Variants in DHRS3 observed in about 807,000 individuals in gnomAD.
The protein encoded by DHRS3 is dehydrogenase/reductase 3.
Under a neutral mutation model 27.2 loss-of-function variants are expected in DHRS3, and 14 were observed. That is an observed-to-expected ratio of 0.52 (90% CI 0.34 to 0.81). The LOEUF (loss-of-function observed/expected upper bound fraction) is 0.81, where lower values mean the gene tolerates loss of function less well. Among genes scored for constraint, DHRS3 ranks in the 30% least tolerant of loss-of-function variants. The pLI, the probability that DHRS3 is intolerant of heterozygous loss-of-function variation, is 0.01. For missense variants in DHRS3, 322 were observed against 406.2 expected (o/e 0.79, Z 1.78); for synonymous variants, 165 against 175.9 (o/e 0.94, Z 0.49).
rs1418599080 is a variant in DHRS3 at position 12,580,678 on chromosome 1, T to G, written c.196-12A>C. 6.2e-7 allele frequency: 1 copy of G among 1,609,782 alleles called. No individual in the cohort carries two copies. Among genetic ancestry groups the G allele is most frequent in the Non-Finnish European group, 8.5e-7 (1 of 1,177,274 alleles). ...CCCCAGAGAACAATCTGGAAGAAGATAATAACAACGCAGAACAAATGGTCA... is the reference window on the plus strand; with the variant it reads ...CCCCAGAGAACAATCTGGAAGAAGAGAATAACAACGCAGAACAAATGGTCA... On this transcript the variant is annotated splice_polypyrimidine_tract_variant and intron_variant, in intron 1 of 5. Transcript: ENST00000616661.
Position 12,593,242 on chromosome 1 carries a change from G to T in DHRS3, c.196-12576C>A, listed in dbSNP as rs549628042. The stretch of plus-strand genomic sequence containing the variant: ...CCCTCGTCTCAGCTACTCCCTCCTA[G>T]GTCTCGGCCCTGCAGAAGCACTGGC... On this transcript the variant is annotated intron_variant, in intron 1 of 5. Coordinates refer to ENST00000616661, the MANE Select transcript of DHRS3 (RefSeq NM_004753.7). The surrounding 1 kb of genome is among the most constrained non-coding windows in gnomAD (Gnocchi z 4.6). Among the ~76,000 whole-genome samples the T allele has an allele frequency of 1.3e-5, 2 of 152,240 alleles. No homozygotes were observed. The highest frequency in any genetic ancestry group is 1.5e-5 in the Non-Finnish European group (1 of 68,008).
intron 1 of DHRS3, among the ~76,000 whole-genome samples, chr1:12,596,999 C>T (rs1201823790): frequency 6.6e-6 from 1 of 152,074 alleles, no homozygotes; most frequent in East Asian, 1.9e-4. Context: ...CAAGGAGACC[C>T]CCATTGACTC....
chr1:12,588,289 C>T (rs748772099), intron 1 of DHRS3, among the ~76,000 whole-genome samples: 3 of 152,210 alleles, frequency 2.0e-5, no homozygotes, highest in Non-Finnish European at 4.4e-5. Context: ...ATCTGTTGAG[C>T]AGTTGCCATG....
intron 5 of DHRS3, among the ~76,000 whole-genome samples, chr1:12,571,152 C>T (rs992459022): frequency 6.6e-6 from 1 of 152,224 alleles, no homozygotes; most frequent in African/African-American, 2.4e-5. Context: ...TCACTTGTGG[C>T]ACCAGGGACA....
chr1:12,615,731 G>T (rs903010358), intron 1 of DHRS3, among the ~76,000 whole-genome samples: 4 of 152,166 alleles, frequency 2.6e-5, no homozygotes, highest in African/African-American at 9.7e-5. Context: ...GCCCTTTTCA[G>T]TCCCCTTCAC....
chr1:12,614,243 C>A (rs1646929177), intron 1 of DHRS3, among the ~76,000 whole-genome samples: 1 of 152,198 alleles, frequency 6.6e-6, no homozygotes, highest in African/African-American at 2.4e-5. Context: ...CTCTCAGGGG[C>A]TCCTGCTAAC....
intron 1 of DHRS3, among the ~76,000 whole-genome samples, chr1:12,609,666 C>G (rs965323878): frequency 1.3e-5 from 2 of 152,216 alleles, no homozygotes; most frequent in African/African-American, 4.8e-5. Flanking sequence ...TCCCCCACCC[C>G]TGGCCTGACA....
At chr1:12,595,286 G>A (rs1156408614) in intron 1 of DHRS3, among the ~76,000 whole-genome samples, 2 of 152,164 alleles carry the variant, frequency 1.3e-5, no homozygotes, top group Non-Finnish European at 2.9e-5. Context: ...GCGGCCGGGA[G>A]GCCAGCCTGG....
chr1:12,615,262 A>G (rs888017288), intron 1 of DHRS3, among the ~76,000 whole-genome samples: 2 of 152,206 alleles, frequency 1.3e-5, no homozygotes, highest in African/African-American at 4.8e-5. Flanking sequence ...GGTCATCCTG[A>G]CAAGTCAGAT....
Position 12,568,252 on chromosome 1 carries a change from G to A in DHRS3, c.*88C>T. ...GAGCTGTCCTGCTCACCCAGCAGAAGCATGCCAATGGACAGGTGCTCGGGT... is the reference window on the plus strand; with the variant it reads ...GAGCTGTCCTGCTCACCCAGCAGAAACATGCCAATGGACAGGTGCTCGGGT... On this transcript the variant is annotated 3_prime_UTR_variant, in exon 6 of 6. Transcript: ENST00000616661. 6 of 1,248,388 alleles carry A rather than the reference G, an allele frequency of 4.8e-6. No homozygotes were observed. Among genetic ancestry groups the A allele is most frequent in the Admixed American group, 3.4e-5 (2 of 58,828 alleles). 77.3% of individuals were successfully genotyped at this position (1,248,388 alleles called of 1,614,324 possible). A position where few individuals can be genotyped will look rare whatever the true frequency, so the allele number is the denominator to read the frequency against.
At chr1:12,585,474 G>A (rs1557520393) in intron 1 of DHRS3, among the ~76,000 whole-genome samples, 1 of 152,172 alleles carries the variant, frequency 6.6e-6, no homozygotes. Context: ...GGAGTCGCAG[G>A]GAAGCGCGGC....
chr1:12,579,359 G>T lies in DHRS3; in HGVS notation c.393C>A (p.Ser131Arg), dbSNP rs553153702. ...VNNAAVVHGK[S>R]LMDSDDDALL... ...GGGCATCATCATCACTGTCCATTAG[G>T]CTCTTCCCATGGACCACGGCGGCAT... Residue 131 changes from serine (S) to arginine (R), a missense_variant, in exon 3 of 6, where the codon AGC (serine) becomes AGA (arginine). Physicochemically the swap from Ser to Arg is moderately radical, Grantham distance 110. Coordinates refer to ENST00000616661, the MANE Select transcript of DHRS3 (RefSeq NM_004753.7). 7 of 1,614,210 alleles carry T rather than the reference G, an allele frequency of 4.3e-6. No homozygotes were observed. The highest frequency in any genetic ancestry group is 5.9e-6 in the Non-Finnish European group (7 of 1,180,024).
Position 12,586,845 on chromosome 1 carries a change from C to T in DHRS3, c.196-6179G>A, listed in dbSNP as rs1387142420. ...TCCTGTAAGAGAAAGCACATCTCCT[C>T]TCTTCAAGGGGTCCTGTGGGGATTA... On this transcript the variant is annotated intron_variant, in intron 1 of 5. Transcript: ENST00000616661. This position sits in a 1 kb window ranked among gnomAD's most constrained non-coding sequence, Gnocchi z 5.0. Among the ~76,000 whole-genome samples, 1 of 152,190 alleles carries T rather than the reference C, an allele frequency of 6.6e-6. No individual in the cohort carries two copies. Among genetic ancestry groups the T allele is most frequent in the East Asian group, 1.9e-4 (1 of 5,190 alleles).
intron 4 of DHRS3, 138 bp from the exon 5 acceptor site, chr1:12,572,991 C>T: frequency 9.1e-7 from 1 of 1,096,282 alleles, no homozygotes. Context: ...GGAATACTCC[C>T]TCTACCCCAC....
At position 12,617,294 on chromosome 1, in the gene DHRS3, G is replaced by T. The variant is rs1434400901; in HGVS notation, c.55C>A (p.Leu19Met). ...LVMFPLQMIY[L>M]VVKAAVGLVL... ...AGTCCGACGGCTGCTTTCACCACCAGATAGATCATCTGTAGAGGGAACATC... is the reference window on the plus strand; with the variant it reads ...AGTCCGACGGCTGCTTTCACCACCATATAGATCATCTGTAGAGGGAACATC... The change falls in exon 1 of 6, where the codon CTG (leucine) becomes ATG (methionine). Residue 19 changes from leucine to methionine, a missense_variant. Transcript: ENST00000616661. 1 of 1,613,654 alleles carries T rather than the reference G, an allele frequency of 6.2e-7. No homozygotes were observed. The highest frequency in any genetic ancestry group is 8.5e-7 in the Non-Finnish European group (1 of 1,179,944).
intron 1 of DHRS3, among the ~76,000 whole-genome samples, chr1:12,610,284 T>C (rs934050777): frequency 1.3e-5 from 2 of 148,406 alleles, no homozygotes; most frequent in Admixed American, 6.8e-5. Context: ...AGAAGGAGGG[T>C]TTCACCATGT....
chr1:12,580,486 C>G (rs184105472), intron 2 of DHRS3, 37 bp downstream of exon 2: 201 of 1,613,952 alleles, frequency 1.2e-4, no homozygotes, highest in Admixed American at 2.2e-4. Flanking sequence ...AGCCTGTGGT[C>G]AGCTGTGCTA....
Position 12,593,340 on chromosome 1 carries a change from C to T in DHRS3, c.196-12674G>A, listed in dbSNP as rs1646761911. Reference sequence around the variant, plus strand: ...CCCAAGTATCCCTCTCCTTGTAGGGCACCCTCTTTTCTTTTTAAAAAATTA... The same window carrying T: ...CCCAAGTATCCCTCTCCTTGTAGGGTACCCTCTTTTCTTTTTAAAAAATTA... On this transcript the variant is annotated intron_variant, in intron 1 of 5. Coordinates refer to ENST00000616661, the MANE Select transcript of DHRS3 (RefSeq NM_004753.7). This position sits in a 1 kb window ranked among gnomAD's most constrained non-coding sequence, Gnocchi z 4.6. Among the ~76,000 whole-genome samples the T allele has an allele frequency of 6.6e-6, 1 of 152,142 alleles. No homozygotes were observed.
At chr1:12,575,258 C>G (rs1298337894) in intron 4 of DHRS3, among the ~76,000 whole-genome samples, 1 of 150,830 alleles carries the variant, frequency 6.6e-6, no homozygotes, top group Non-Finnish European at 1.5e-5. Context: ...ACCTGGGAGG[C>G]GGAGGTTGCA....
Sources: gnomAD v4.1 joint callset for allele counts (sites outside exome capture counted in the v4.1 genomes callset) on GRCh38, gnomAD v4.1.1 for gene constraint, Gnocchi (gnomAD v3.1) non-coding constraint, MANE v1.5 for transcripts, NCBI Gene and HGNC (gene_info 2026-07-23, HGNC 2026-07-21) for gene names.